Variants in GRID1 observed in about 807,000 individuals in gnomAD.
GRID1 encodes glutamate ionotropic receptor delta type subunit 1, also known as glutamate receptor ionotropic, delta-1.
In GRID1, 28 loss-of-function variants were observed where a neutral mutation model predicts 98.0. The observed-to-expected ratio is 0.29, with a 90% CI of 0.21 to 0.39. The LOEUF (loss-of-function observed/expected upper bound fraction) is 0.39, where lower values mean the gene tolerates loss of function less well. Ranked by LOEUF, GRID1 falls within the 10% of genes least tolerant of loss-of-function variation. The probability of loss-of-function intolerance (pLI) is 1.00; values close to 1 mark genes in which losing one functional copy is unlikely to be tolerated. For missense variants in GRID1, 1,111 were observed against 1,340.5 expected (o/e 0.83, Z 2.67); for synonymous variants, 553 against 538.5 (o/e 1.03, Z -0.37).
At chr10:85,709,153 T>G (rs2132633790) in intron 12 of GRID1, 1 of 331,414 alleles carries the variant, frequency 3.0e-6, no homozygotes, top group Non-Finnish European at 6.1e-6. Context: ...CAGAGCATTC[T>G]TGGAAAAGGC....
At chr10:86,181,743 A>T (rs1224720048) in intron 3 of GRID1, among the ~76,000 whole-genome samples, 1 of 152,240 alleles carries the variant, frequency 6.6e-6, no homozygotes, top group Non-Finnish European at 1.5e-5. Context: ...AGAACCTCTG[A>T]TTAAGAGAGT....
rs111972073 is a variant in GRID1 at position 85,938,518 on chromosome 10, G to A, written c.727-22279C>T. ...TGTCTCCCGTAACTCTCACAACAACGCTATGGGGTAGTTTCTCTCATGGTT... is the reference window on the plus strand; with the variant it reads ...TGTCTCCCGTAACTCTCACAACAACACTATGGGGTAGTTTCTCTCATGGTT... On this transcript the variant is annotated intron_variant, in intron 4 of 15. Transcript: ENST00000327946. Among the ~76,000 whole-genome samples, 486 of 152,254 alleles carry A rather than the reference G, an allele frequency of 3.2e-3. 3 individuals are homozygous for A. Among genetic ancestry groups the A allele is most frequent in the African/African-American group, 0.01 (430 of 41,556 alleles).
chr10:85,893,261 C>T lies in GRID1; in HGVS notation c.780+22925G>A, dbSNP rs78849575. ...CATGATAAAGGATATCAACAATCAA[C>T]CTACATCTAACATCATCATTAATGA... On this transcript the variant is annotated intron_variant, in intron 5 of 15. Coordinates refer to ENST00000327946, the MANE Select transcript of GRID1 (RefSeq NM_017551.3). Among the ~76,000 whole-genome samples the T allele has an allele frequency of 5.5e-3, 840 of 152,184 alleles. 12 individuals carry two copies. Among genetic ancestry groups the T allele is most frequent in the African/African-American group, 0.019 (792 of 41,532 alleles).
At chr10:85,995,728 C>A (rs1181147369) in intron 4 of GRID1, among the ~76,000 whole-genome samples, 1 of 152,182 alleles carries the variant, frequency 6.6e-6, no homozygotes, top group Non-Finnish European at 1.5e-5. Context: ...GCAGATGCAG[C>A]CACAAAAGTG....
intron 4 of GRID1, among the ~76,000 whole-genome samples, chr10:86,037,121 C>T (rs908739825): frequency 3.3e-5 from 5 of 152,060 alleles, no homozygotes; most frequent in African/African-American, 4.8e-5. Flanking sequence ...AAATGGGGCT[C>T]GAGGTAGCTA....
At chr10:85,819,967 GAGGA>G (rs544578610) in intron 8 of GRID1, among the ~76,000 whole-genome samples, 8,263 of 87,878 alleles carry the variant, frequency 0.094, 767 homozygotes, top group Non-Finnish European at 0.13. Flanking sequence ...GAGAAAGAGA[GAGGA>G]AGGAAGGAAG....
At chr10:85,606,172 CTCAAA>C (rs1005670267) in intron 15 of GRID1, 11 of 151,774 alleles carry the variant, frequency 7.2e-5, no homozygotes, top group African/African-American at 2.7e-4. Flanking sequence ...TTTTGCTTGT[CTCAAA>C]TCAAGTATGG....
intron 2 of GRID1, among the ~76,000 whole-genome samples, chr10:86,342,715 G>C (rs1289028025): frequency 2.6e-5 from 4 of 152,214 alleles, no homozygotes; most frequent in Admixed American, 2.6e-4. Context: ...GCCTGAGTCG[G>C]GTAGCGAGCT....
chr10:86,113,646 C>T (rs61856058), intron 4 of GRID1, among the ~76,000 whole-genome samples: 1 of 152,176 alleles, frequency 6.6e-6, no homozygotes, highest in Non-Finnish European at 1.5e-5. Flanking sequence ...CTGGTTTACC[C>T]CCTGCCAGAC....
rs954057242 is a variant in GRID1, at chr10:86,051,286, C to G, written c.726+87533G>C. On this transcript the variant is annotated intron_variant, in intron 4 of 15. Transcript: ENST00000327946. ...GAAGAAAAGATAAACTTCCAATAAA[C>G]GGGATTTAGATAATTATATACCAAA... 2.8e-5 allele frequency among the ~76,000 whole-genome samples: 4 copies of G among 143,022 alleles called. No homozygotes were observed. The South Asian group carries it at 8.7e-4, about 31-fold the overall frequency. 93.8% of individuals were successfully genotyped at this position (143,022 alleles called of 152,430 possible). A position where few individuals can be genotyped will look rare whatever the true frequency, so the allele number is the denominator to read the frequency against.
At chr10:85,706,822 T>G (rs1401600650) in intron 12 of GRID1, among the ~76,000 whole-genome samples, 1 of 152,158 alleles carries the variant, frequency 6.6e-6, no homozygotes, top group East Asian at 1.9e-4. Flanking sequence ...TCTACAACTG[T>G]CTGATCTTTG....
intron 2 of GRID1, among the ~76,000 whole-genome samples, chr10:86,327,681 C>T (rs907437370): frequency 1.3e-5 from 2 of 152,108 alleles, no homozygotes; most frequent in Admixed American, 6.6e-5. Context: ...AGAGAAGGCT[C>T]ACAGTAATTA....
intron 4 of GRID1, among the ~76,000 whole-genome samples, chr10:85,946,864 C>A (rs1842059982): frequency 6.6e-6 from 1 of 152,170 alleles, no homozygotes; most frequent in Non-Finnish European, 1.5e-5. Context: ...ACCTGAGAGT[C>A]AGGGACAGGC....
intron 8 of GRID1, among the ~76,000 whole-genome samples, chr10:85,850,940 T>C (rs1045166785): frequency 6.6e-6 from 1 of 152,174 alleles, no homozygotes; most frequent in African/African-American, 2.4e-5. Context: ...TTGGATACTG[T>C]GGATGCTTAA....
At chr10:85,982,819 G>C (rs932838589) in intron 4 of GRID1, among the ~76,000 whole-genome samples, 3 of 152,102 alleles carry the variant, frequency 2.0e-5, no homozygotes, top group Non-Finnish European at 4.4e-5. Flanking sequence ...TCCCTAAGTG[G>C]CTATTGTCAC....
Position 86,105,348 on chromosome 10 carries a change from G to A in GRID1, c.726+33471C>T, listed in dbSNP as rs576889019. Reference sequence around the variant, plus strand: ...GAAACTGAGGCCCAGAGGGTGTAGCGCTCTGGCCAAGGTCTCACAGTTGTG... The same window carrying A: ...GAAACTGAGGCCCAGAGGGTGTAGCACTCTGGCCAAGGTCTCACAGTTGTG... On this transcript the variant is annotated intron_variant, in intron 4 of 15. Coordinates refer to ENST00000327946, the MANE Select transcript of GRID1 (RefSeq NM_017551.3). Among the ~76,000 whole-genome samples, 9 of 152,246 alleles carry A rather than the reference G, an allele frequency of 5.9e-5. No individual in the cohort carries two copies. In the East Asian group the frequency reaches 1.5e-3, roughly 26 times the overall value.
At chr10:86,285,139 A>G (rs1167568987) in intron 2 of GRID1, among the ~76,000 whole-genome samples, 1 of 150,766 alleles carries the variant, frequency 6.6e-6, no homozygotes, top group Non-Finnish European at 1.5e-5. Context: ...AGCCCAGGGA[A>G]AGCATCCAGA....
intron 4 of GRID1, among the ~76,000 whole-genome samples, chr10:86,049,516 C>T (rs999490863): frequency 6.6e-6 from 1 of 152,158 alleles, no homozygotes; most frequent in African/African-American, 2.4e-5. Flanking sequence ...AAAGCAAGTC[C>T]GGCTATGCCA....
chr10:85,829,403 C>T (rs1239605052), intron 8 of GRID1, among the ~76,000 whole-genome samples: 6 of 152,100 alleles, frequency 3.9e-5, no homozygotes, highest in African/African-American at 1.4e-4. Context: ...GACAAGGATG[C>T]CCATTATCAT....
Sources: gnomAD v4.1 joint callset for allele counts (sites outside exome capture counted in the v4.1 genomes callset) on GRCh38, gnomAD v4.1.1 for gene constraint, MANE v1.5 for transcripts, NCBI Gene and HGNC (gene_info 2026-07-23, HGNC 2026-07-21) for gene names.